The following MYO5C variants were observed in gnomAD, a reference collection of about 807,000 sequenced individuals.
The protein encoded by MYO5C is myosin VC, also known as unconventional myosin-Vc.
Under a neutral mutation model 235.7 loss-of-function variants are expected in MYO5C, and 194 were observed. The observed-to-expected ratio is 0.82, with a 90% CI of 0.73 to 0.93. The LOEUF is 0.93. MYO5C is among the 40% of genes least tolerant of loss of function. MYO5C has a pLI of 0.00. For missense variants in MYO5C, 2,038 were observed against 2,127.2 expected (o/e 0.96, Z 0.82); for synonymous variants, 707 against 754.8 (o/e 0.94, Z 1.04).
Position 52,230,029 on chromosome 15 carries a change from G to A in MYO5C, c.3027-716C>T, listed in dbSNP as rs180745211. ...CCTTCCTCGTTCCAAGGATCCTGCT[G>A]GAGGTTTGTTTGATCCTAAACAATA... On this transcript the variant is annotated intron_variant, in intron 24 of 40. Transcript: ENST00000261839. Among the ~76,000 whole-genome samples the A allele has an allele frequency of 4.2e-4, 64 of 152,284 alleles. No homozygotes were observed. The East Asian group carries it at 9.6e-3, about 23-fold the overall frequency.
At chr15:52,213,317 A>G (rs753533632) in intron 33 of MYO5C, 31 bp from the exon 34 acceptor site, 22 of 1,530,630 alleles carry the variant, frequency 1.4e-5, no homozygotes, top group Non-Finnish European at 1.8e-5. Flanking sequence ...TCAGCTAAAT[A>G]CACAAAAGCA....
chr15:52,211,361 G>T (rs1190256342), intron 35 of MYO5C, among the ~76,000 whole-genome samples: 1 of 152,182 alleles, frequency 6.6e-6, no homozygotes, highest in Non-Finnish European at 1.5e-5. Flanking sequence ...TTAGGAAGAA[G>T]AATTATATAA....
At chr15:52,259,195 C>T (rs2140821146) in intron 10 of MYO5C, among the ~76,000 whole-genome samples, 1 of 152,174 alleles carries the variant, frequency 6.6e-6, no homozygotes, top group South Asian at 2.1e-4. Context: ...CCGAGATGGA[C>T]AGATCACAAG....
Position 52,237,365 on chromosome 15 carries a change from G to T in MYO5C, c.2868+117C>A, listed in dbSNP as rs2036108628. 2.3e-6 allele frequency: 3 copies of T among 1,291,238 alleles called. No homozygotes were observed. In the Admixed American group the frequency reaches 6.9e-5, roughly 30 times the overall value. 80.0% of individuals were successfully genotyped at this position (1,291,238 alleles called of 1,614,324 possible). On this transcript the variant is annotated intron_variant, in intron 22 of 40. Coordinates refer to ENST00000261839, the MANE Select transcript of MYO5C (RefSeq NM_018728.4). ...TAGGCTCCCTTTGGTAATGGAAGTT[G>T]ATAGCAAAATCTGATTTGCTCTGCA... is the stretch of plus-strand genomic sequence containing the variant.
In MYO5C at chr15:52,261,007, T is replaced by G; in HGVS notation, c.1168A>C (p.Thr390Pro). ...CTGGCGTTGACAGCCTGAGGCCTGGTCATGGGTTTTACCACCGTCTCAGAG... is the reference window on the plus strand; with the variant it reads ...CTGGCGTTGACAGCCTGAGGCCTGGGCATGGGTTTTACCACCGTCTCAGAG... ...TSSETVVKPM[T>P]RPQAVNARDA... Residue 390 changes from threonine (T) to proline (P), a missense_variant, in exon 10 of 41, where the codon ACC becomes CCC. Coordinates refer to ENST00000261839, the MANE Select transcript of MYO5C (RefSeq NM_018728.4). 1 of 1,614,210 alleles carries G rather than the reference T, an allele frequency of 6.2e-7. No homozygotes were observed.
chr15:52,286,968 A>G (rs1206426235), intron 1 of MYO5C, among the ~76,000 whole-genome samples: 3 of 119,804 alleles, frequency 2.5e-5, no homozygotes, highest in African/African-American at 7.6e-5. Flanking sequence ...AAAAAAAAAA[A>G]AGAAAAACTA....
intron 1 of MYO5C, among the ~76,000 whole-genome samples, chr15:52,283,739 G>A (rs1012654946): frequency 2.0e-5 from 3 of 151,942 alleles, no homozygotes; most frequent in East Asian, 1.9e-4. Context: ...GCAACAGCAC[G>A]ATCTTGGCTC....
At chr15:52,253,182 T>C in intron 12 of MYO5C, 135 bp downstream of exon 12, 1 of 922,680 alleles carries the variant, frequency 1.1e-6, no homozygotes, top group Non-Finnish European at 1.6e-6. Context: ...GTGGATGCTG[T>C]CCCAGCATTA....
Position 52,196,308 on chromosome 15 carries a change from C to T in MYO5C, c.4995+1G>A. 6.2e-7 allele frequency: 1 copy of T among 1,603,934 alleles called. No homozygotes were observed. The highest frequency in any genetic ancestry group is 1.1e-5 in the South Asian group (1 of 88,870). On this transcript the variant is annotated splice_donor_variant, in intron 39 of 40. Transcript: ENST00000261839. LOFTEE classifies it high-confidence loss of function. ...GGGAGACACTAAGCAAGCCTGGTCA[C>T]CTGCACAGCAGACAGTGAGGTGCAG...
At position 52,251,500 on chromosome 15, in the gene MYO5C, C is replaced by T; in HGVS notation, c.1552G>A (p.Asp518Asn). ...DEECLLPHGT[D>N]ENWLQKLYNN... The stretch of plus-strand genomic sequence containing the variant: ...TACAGCTTTTGAAGCCAGTTTTCAT[C>T]AGTTCCATGTGGTAACTGGAAAAGA... The change falls in exon 13 of 41, where the codon GAT (aspartate) becomes AAT (asparagine). Residue 518 changes from aspartate to asparagine, a missense_variant. Asp to Asn is a conservative substitution (Grantham distance 23). Coordinates refer to ENST00000261839, the MANE Select transcript of MYO5C (RefSeq NM_018728.4). 6.2e-7 allele frequency: 1 copy of T among 1,606,132 alleles called. No individual in the cohort carries two copies. Among genetic ancestry groups the T allele is most frequent in the Non-Finnish European group, 8.5e-7 (1 of 1,175,684 alleles).
chr15:52,201,855 AG>A (rs2035194583), intron 38 of MYO5C, among the ~76,000 whole-genome samples: 1 of 151,936 alleles, frequency 6.6e-6, no homozygotes, highest in Non-Finnish European at 1.5e-5. Flanking sequence ...GACTGTGAAA[AG>A]TTAAGTATAT....
At chr15:52,270,630 A>G (rs61551630) in intron 7 of MYO5C, among the ~76,000 whole-genome samples, 4,653 of 150,130 alleles carry the variant, frequency 0.031, 168 homozygotes, top group South Asian at 0.15. Context: ...ATATAAATGT[A>G]TGTGTATATA....
chr15:52,264,168 G>C, intron 9 of MYO5C, 22 bp downstream of exon 9: 1 of 1,573,428 alleles, frequency 6.4e-7, no homozygotes, highest in Non-Finnish European at 8.7e-7. Context: ...CAAAGGAAAA[G>C]TAAAACAAAT....
At chr15:52,227,561 T>C (rs2035857588) in intron 25 of MYO5C, among the ~76,000 whole-genome samples, 1 of 151,934 alleles carries the variant, frequency 6.6e-6, no homozygotes, top group Admixed American at 6.6e-5. Flanking sequence ...AGGAAGTGAG[T>C]GACACCTACT....
rs777080991 is a variant in MYO5C at position 52,204,862 on chromosome 15, T to C, written c.4820+3A>G. On this transcript the variant is annotated splice_donor_region_variant and intron_variant, in intron 38 of 40. Coordinates refer to ENST00000261839, the MANE Select transcript of MYO5C (RefSeq NM_018728.4). ...CGCGTGAGCGGAGGTTTCTGGGTTT[T>C]ACCTGATCTGCATCCCTTTTCTGCA... 3 of 1,613,650 alleles carry C rather than the reference T, an allele frequency of 1.9e-6. No individual in the cohort carries two copies. Among genetic ancestry groups the C allele is most frequent in the East Asian group, 4.5e-5 (2 of 44,872 alleles).
In MYO5C at chr15:52,223,540, A is replaced by G; in HGVS notation, c.3627+4T>C. The G allele has an allele frequency of 1.2e-6, 2 of 1,613,136 alleles. No homozygotes were observed. Among genetic ancestry groups the G allele is most frequent in the Non-Finnish European group, 1.7e-6 (2 of 1,179,494 alleles). On this transcript the variant is annotated splice_donor_region_variant and intron_variant, in intron 29 of 40. Coordinates refer to ENST00000261839, the MANE Select transcript of MYO5C (RefSeq NM_018728.4). ...ACGACTGGGGCCCCTGGCTGAGACC[A>G]TACCATGTTCTCTGATGTTAGCCTG...
intron 10 of MYO5C, 116 bp from the exon 11 acceptor site, chr15:52,256,836 T>A: frequency 2.8e-6 from 2 of 718,524 alleles, no homozygotes; most frequent in Non-Finnish European, 4.8e-6. Flanking sequence ...CTACAAGTTT[T>A]AAATACCCCT....
At chr15:52,293,784 C>T (rs192721224) in intron 1 of MYO5C, among the ~76,000 whole-genome samples, 480 of 152,316 alleles carry the variant, frequency 3.2e-3, no homozygotes, top group Non-Finnish European at 5.9e-3. Context: ...AGCCCAAGGG[C>T]GCTGCTGGCA....
intron 1 of MYO5C, among the ~76,000 whole-genome samples, chr15:52,288,916 C>CA (rs1463319642): frequency 2.0e-5 from 3 of 152,242 alleles, no homozygotes; most frequent in Non-Finnish European, 4.4e-5. Flanking sequence ...GCCACCCCCC[C>CA]AAGGCACACA....
Sources: allele counts gnomAD v4.1 joint callset (sites outside exome capture counted in the v4.1 genomes callset), GRCh38; gene constraint gnomAD v4.1.1; transcripts MANE v1.5; gene names NCBI Gene and HGNC (gene_info 2026-07-23, HGNC 2026-07-21).